Variants in PLEKHB1 observed in about 807,000 individuals in gnomAD.
PLEKHB1 encodes the protein pleckstrin homology domain-containing family B member 1.
Under a neutral mutation model 36.2 loss-of-function variants are expected in PLEKHB1, and 29 were observed. That is an observed-to-expected ratio of 0.80 (90% CI 0.60 to 1.09). The LOEUF is 1.09. PLEKHB1 is among the 50% of genes least tolerant of loss of function. PLEKHB1 has a pLI of 0.00. For missense variants in PLEKHB1, 330 were observed against 348.2 expected (o/e 0.95, Z 0.42); for synonymous variants, 138 against 140.0 (o/e 0.99, Z 0.10).
chr11:73,657,967 G>T (rs116198402), intron 6 of PLEKHB1, among the ~76,000 whole-genome samples: 1 of 152,152 alleles, frequency 6.6e-6, no homozygotes, highest in Non-Finnish European at 1.5e-5. Context: ...TTCCAGTCTG[G>T]CCCTGTATTT....
In PLEKHB1 at chr11:73,650,587, T is replaced by C; in HGVS notation, c.129T>C (p.Phe43=). 6.2e-7 allele frequency: 1 copy of C among 1,613,288 alleles called. No homozygotes were observed. The highest frequency in any genetic ancestry group is 1.1e-5 in the South Asian group (1 of 90,808). Residue 43 remains phenylalanine, a synonymous_variant, in exon 3 of 8, where the codon TTT becomes TTC. Transcript: ENST00000354190. ...SILRRWKRNW[F]ALWLDGTLGY... ...TCCGCCGCTGGAAGCGGAACTGGTT[T>C]GCCCTGTGGCTGGACGGGACCCTGG...
intron 6 of PLEKHB1, among the ~76,000 whole-genome samples, chr11:73,658,807 G>A (rs1422299188): frequency 6.6e-6 from 1 of 152,278 alleles, no homozygotes; most frequent in East Asian, 1.9e-4. Context: ...TGTAGAGACA[G>A]GTTCTTGCCA....
At position 73,661,036 on chromosome 11, in the gene PLEKHB1, T is replaced by C. The variant is rs1945103051; in HGVS notation, c.595+184T>C. On this transcript the variant is annotated intron_variant, in intron 7 of 7. Transcript: ENST00000354190. The surrounding 1 kb of genome is among the most constrained non-coding windows in gnomAD (Gnocchi z 4.6). ...GGGAGAGCTCTGGAACCAGCGTTCG[T>C]CTCGAGCTGACCTCACCCTTCTGGG... 1 of 650,622 alleles carries C rather than the reference T, an allele frequency of 1.5e-6. No homozygotes were observed. Among genetic ancestry groups the C allele is most frequent in the East Asian group, 2.8e-5 (1 of 36,186 alleles). The allele number at this position is 650,622 out of a possible 1,614,324, so 40.3% of individuals were successfully genotyped here.
intron 1 of PLEKHB1, 123 bp from the exon 2 acceptor site, chr11:73,648,889 G>C: frequency 6.9e-7 from 1 of 1,452,588 alleles, no homozygotes; most frequent in Non-Finnish European, 9.1e-7. Flanking sequence ...GAGGCCGCCT[G>C]GCCCTTGTTT....
chr11:73,649,308 G>A (rs1347575045), intron 2 of PLEKHB1, among the ~76,000 whole-genome samples: 1 of 152,090 alleles, frequency 6.6e-6, no homozygotes, highest in Non-Finnish European at 1.5e-5. Flanking sequence ...TCTCTGAGGA[G>A]CCTTCTCTGG....
intron 5 of PLEKHB1, among the ~76,000 whole-genome samples, chr11:73,655,466 T>G (rs1353848439): frequency 6.6e-6 from 1 of 152,124 alleles, no homozygotes; most frequent in Admixed American, 6.5e-5. Flanking sequence ...GGGACGAGGC[T>G]GGGGTGAAGC....
In PLEKHB1 at chr11:73,655,870, GCTCGTGGAGCCC is replaced by G; in HGVS notation, c.461_472del (p.Ser154_Pro157del). 1 of 1,613,766 alleles carries G rather than the reference GCTCGTGGAGCCC, an allele frequency of 6.2e-7. No homozygotes were observed. The highest frequency in any genetic ancestry group is 8.5e-7 in the Non-Finnish European group (1 of 1,179,854). On this transcript the variant is annotated inframe_deletion, in exon 6 of 8. Coordinates refer to ENST00000354190, the MANE Select transcript of PLEKHB1 (RefSeq NM_021200.3). Reference sequence around the variant, plus strand: ...TGCTCCAAGGTCAGGTGTGTGACCCGCTCGTGGAGCCCCTGTAAGGTTGAGAGGCGGATCTGG... The same window carrying G: ...TGCTCCAAGGTCAGGTGTGTGACCCGCTGTAAGGTTGAGAGGCGGATCTGG...
intron 7 of PLEKHB1, 85 bp downstream of exon 7, chr11:73,660,937 C>CG: frequency 1.6e-6 from 2 of 1,243,780 alleles, no homozygotes; most frequent in Non-Finnish European, 2.3e-6. Flanking sequence ...AAGTCCGGAC[C>CG]AGGCTTCATC....
intron 5 of PLEKHB1, 75 bp from the exon 6 acceptor site, chr11:73,655,728 A>C (rs1944978974): frequency 1.5e-6 from 2 of 1,293,506 alleles, no homozygotes; most frequent in African/African-American, 2.9e-5. Flanking sequence ...AGAGCTCTTG[A>C]GTCTCTTTAG....
chr11:73,660,130 A>G (rs1353094856), intron 6 of PLEKHB1, among the ~76,000 whole-genome samples: 1 of 152,240 alleles, frequency 6.6e-6, no homozygotes, highest in Admixed American at 6.5e-5. Context: ...TCAGGGCAGT[A>G]GCCTGCTGAA....
rs1436043037 is a variant in PLEKHB1 at position 73,662,363 on chromosome 11, C to T, written c.*761C>T. The T allele has an allele frequency of 6.6e-6, 1 of 152,254 alleles. No homozygotes were observed. Among genetic ancestry groups the T allele is most frequent in the Non-Finnish European group, 1.5e-5 (1 of 68,064 alleles). The allele number at this position is 152,254 out of a possible 1,614,324, so 9.4% of individuals were successfully genotyped here. A position where few individuals can be genotyped will look rare whatever the true frequency, so the allele number is the denominator to read the frequency against. ...GTCCCATCCTTCCCACAAACAGCTT[C>T]CTGGCTGGTACCCATGATAACAATT... On this transcript the variant is annotated 3_prime_UTR_variant, in exon 8 of 8. Transcript: ENST00000354190.
intron 5 of PLEKHB1, among the ~76,000 whole-genome samples, chr11:73,655,249 G>A (rs1944968903): frequency 6.6e-6 from 1 of 152,150 alleles, no homozygotes; most frequent in Non-Finnish European, 1.5e-5. Flanking sequence ...CTGTGCCCGG[G>A]CTTACTAGAG....
Position 73,661,971 on chromosome 11 carries a change from G to T in PLEKHB1, c.*369G>T. 4.8e-6 allele frequency: 1 copy of T among 207,212 alleles called. No homozygotes were observed. Among genetic ancestry groups the T allele is most frequent in the Non-Finnish European group, 9.8e-6 (1 of 102,538 alleles). 12.8% of individuals were successfully genotyped at this position (207,212 alleles called of 1,614,324 possible). A position where few individuals can be genotyped will look rare whatever the true frequency, so the allele number is the denominator to read the frequency against. On this transcript the variant is annotated 3_prime_UTR_variant, in exon 8 of 8. Coordinates refer to ENST00000354190, the MANE Select transcript of PLEKHB1 (RefSeq NM_021200.3). The surrounding 1 kb of genome is among the most constrained non-coding windows in gnomAD (Gnocchi z 4.6). ...AATCGGGCTCTCTGCTCTCTCCTTA[G>T]GGAGCTCGAGTCCTGGTGGGGAGAA...
In PLEKHB1 at chr11:73,661,497, G is replaced by A. The variant is rs750032744; in HGVS notation, c.627G>A (p.Glu209=). 1.7e-5 allele frequency: 28 copies of A among 1,613,762 alleles called. No homozygotes were observed. The Admixed American group carries it at 4.3e-4, about 25-fold the overall frequency. The change falls in exon 8 of 8, where the codon GAG becomes GAA. Residue 209 remains glutamate (E), a synonymous_variant. Coordinates refer to ENST00000354190, the MANE Select transcript of PLEKHB1 (RefSeq NM_021200.3). The surrounding 1 kb of genome is among the most constrained non-coding windows in gnomAD (Gnocchi z 4.6). ...GCGTGACGCACGTGATAGTGCGGGAGGATCCCTGCTACAGCGCCGGCGCCC... is the reference window on the plus strand; with the variant it reads ...GCGTGACGCACGTGATAGTGCGGGAAGATCCCTGCTACAGCGCCGGCGCCC... The part of the protein sequence containing the change: ...GPGVTHVIVR[E]DPCYSAGAPL...
Position 73,661,386 on chromosome 11 carries a change from T to C in PLEKHB1, c.596-80T>C, listed in dbSNP as rs1433329273. 3 of 1,530,026 alleles carry C rather than the reference T, an allele frequency of 2.0e-6. No homozygotes were observed. The highest frequency in any genetic ancestry group is 2.7e-6 in the Non-Finnish European group (3 of 1,110,416). 94.8% of individuals were successfully genotyped at this position (1,530,026 alleles called of 1,614,324 possible). A position where few individuals can be genotyped will look rare whatever the true frequency, so the allele number is the denominator to read the frequency against. ...TTCGGCGCCTTACACTGGGTTGGGC[T>C]GGAGTGATGCAGGAAGGGTACGAAG... On this transcript the variant is annotated intron_variant, in intron 7 of 7. Transcript: ENST00000354190. This position sits in a 1 kb window ranked among gnomAD's most constrained non-coding sequence, Gnocchi z 4.6.
Position 73,661,045 on chromosome 11 carries a change from G to C in PLEKHB1, c.595+193G>C, listed in dbSNP as rs907010084. ...CTGGAACCAGCGTTCGTCTCGAGCTGACCTCACCCTTCTGGGATGGCTCCT... is the reference window on the plus strand; with the variant it reads ...CTGGAACCAGCGTTCGTCTCGAGCTCACCTCACCCTTCTGGGATGGCTCCT... On this transcript the variant is annotated intron_variant, in intron 7 of 7. Coordinates refer to ENST00000354190, the MANE Select transcript of PLEKHB1 (RefSeq NM_021200.3). The surrounding 1 kb of genome is among the most constrained non-coding windows in gnomAD (Gnocchi z 4.6). The C allele has an allele frequency of 1.8e-5, 11 of 623,196 alleles. No individual in the cohort carries two copies. Among genetic ancestry groups the C allele is most frequent in the Non-Finnish European group, 3.1e-5 (11 of 355,052 alleles). The allele number at this position is 623,196 out of a possible 1,614,324, so 38.6% of individuals were successfully genotyped here. A position where few individuals can be genotyped will look rare whatever the true frequency, so the allele number is the denominator to read the frequency against.
chr11:73,654,447 G>T (rs1238313197), intron 5 of PLEKHB1, among the ~76,000 whole-genome samples: 1 of 152,200 alleles, frequency 6.6e-6, no homozygotes, highest in Non-Finnish European at 1.5e-5. Flanking sequence ...CTAAGCCCCT[G>T]GCAGCAGTGA....
At chr11:73,648,726 G>A (rs113579209) in intron 1 of PLEKHB1, 5 of 1,185,036 alleles carry the variant, frequency 4.2e-6, no homozygotes, top group Non-Finnish European at 5.3e-6. Flanking sequence ...CAGGACAGAG[G>A]GCCAGGGAGG....
chr11:73,651,393 A>T, intron 3 of PLEKHB1: 1 of 468,216 alleles, frequency 2.1e-6, no homozygotes, highest in Non-Finnish European at 4.2e-6. Flanking sequence ...TCAGTCCTTT[A>T]GTGCCTTTCT....
Sources: allele counts gnomAD v4.1 joint callset (sites outside exome capture counted in the v4.1 genomes callset), GRCh38; gene constraint gnomAD v4.1.1; non-coding constraint Gnocchi (gnomAD v3.1); transcripts MANE v1.5; gene names NCBI Gene and HGNC (gene_info 2026-07-23, HGNC 2026-07-21).